AVEN: variants seen among roughly 807,000 people sequenced by gnomAD.
AVEN encodes the protein cell death regulator Aven.
In AVEN, 41 loss-of-function variants were observed where a neutral mutation model predicts 38.1. The observed-to-expected ratio is 1.08, with a 90% CI of 0.84 to 1.40. AVEN has a LOEUF of 1.40. Among genes scored for constraint, AVEN ranks in the 40% most tolerant of loss-of-function variants. The pLI is 0.00. For synonymous variants in AVEN, 206 were observed against 171.8 expected (o/e 1.20, Z -1.56); for missense variants, 605 against 438.8 (o/e 1.38, Z -3.38).
At chr15:33,921,115 G>C (rs747594055) in intron 2 of AVEN, among the ~76,000 whole-genome samples, 50 of 152,286 alleles carry the variant, frequency 3.3e-4, no homozygotes, top group Non-Finnish European at 5.1e-4. Context: ...GTGTGCCCTT[G>C]ATAACTGTTT....
At chr15:34,022,991 G>C (rs1317120511) in intron 1 of AVEN, among the ~76,000 whole-genome samples, 2 of 152,178 alleles carry the variant, frequency 1.3e-5, no homozygotes, top group Non-Finnish European at 2.9e-5. Flanking sequence ...TTCAAGACTA[G>C]CTTGGCCAAC....
intron 2 of AVEN, among the ~76,000 whole-genome samples, chr15:33,935,049 G>C (rs926114465): frequency 1.3e-5 from 2 of 152,118 alleles, no homozygotes; most frequent in Non-Finnish European, 2.9e-5. Flanking sequence ...GATCACTAAG[G>C]CTCTTTCCCG....
chr15:34,072,735 G>A (rs139940446), intron 1 of AVEN, among the ~76,000 whole-genome samples: 3,361 of 145,262 alleles, frequency 0.023, 57 homozygotes, highest in Middle Eastern at 0.12. Flanking sequence ...TGCAAGCTCC[G>A]CCTCCCGGGT....
At chr15:33,903,616 A>G (rs1295851063) in intron 2 of AVEN, among the ~76,000 whole-genome samples, 1 of 152,210 alleles carries the variant, frequency 6.6e-6, no homozygotes, top group Non-Finnish European at 1.5e-5. Flanking sequence ...ATGGGATCCT[A>G]GTAAGGAGAT....
At chr15:33,976,490 C>T (rs1174220807) in intron 2 of AVEN, among the ~76,000 whole-genome samples, 2 of 152,146 alleles carry the variant, frequency 1.3e-5, no homozygotes, top group African/African-American at 4.8e-5. Context: ...TTCTGCCATG[C>T]CCGCATCAGA....
At chr15:34,010,779 AAAT>A (rs1897603205) in intron 1 of AVEN, among the ~76,000 whole-genome samples, 1 of 152,234 alleles carries the variant, frequency 6.6e-6, no homozygotes, top group Non-Finnish European at 1.5e-5. Context: ...TATAACTGAA[AAAT>A]AATACTAATT....
intron 2 of AVEN, among the ~76,000 whole-genome samples, chr15:33,899,145 C>A (rs1892372524): frequency 6.6e-6 from 1 of 152,266 alleles, no homozygotes; most frequent in African/African-American, 2.4e-5. Context: ...CTTTTGGGGA[C>A]CACTGAGAGA....
intron 1 of AVEN, among the ~76,000 whole-genome samples, chr15:34,074,408 T>C (rs1362548014): frequency 6.6e-6 from 1 of 152,174 alleles, no homozygotes; most frequent in Admixed American, 6.5e-5. Context: ...TTCCACAAAC[T>C]GGGTGGTTTA....
intron 1 of AVEN, among the ~76,000 whole-genome samples, chr15:34,037,125 AT>A (rs57511978): frequency 0.043 from 6,330 of 146,734 alleles, 438 homozygotes; most frequent in African/African-American, 0.16. Flanking sequence ...AAAAAAAAAA[AT>A]ATATACCATC....
At chr15:33,869,596 T>C (rs1169789286) in intron 4 of AVEN, among the ~76,000 whole-genome samples, 1 of 152,134 alleles carries the variant, frequency 6.6e-6, no homozygotes, top group Non-Finnish European at 1.5e-5. Context: ...CAATCCCCCA[T>C]CAGAGGCAAA....
intron 4 of AVEN, chr15:34,065,868 A>G (rs1427627931): frequency 1.3e-5 from 2 of 152,236 alleles, no homozygotes; most frequent in African/African-American, 4.8e-5. Flanking sequence ...CTTAAAAATC[A>G]CCAGACTTCA....
chr15:34,036,064 G>A (rs1171699448), intron 1 of AVEN, among the ~76,000 whole-genome samples: 2 of 151,594 alleles, frequency 1.3e-5, no homozygotes, highest in Non-Finnish European at 2.9e-5. Context: ...CCAAAGTGCT[G>A]GGATTACAAG....
downstream of AVEN, chr15:33,864,255 G>A (rs926856703): frequency 1.3e-5 from 17 of 1,276,866 alleles, 1 homozygote; most frequent in Middle Eastern, 2.2e-4. Context: ...ACTTAGTAGG[G>A]CATAGGTTAT....
chr15:34,000,347 A>T (rs1054558395), intron 2 of AVEN, among the ~76,000 whole-genome samples: 10 of 152,224 alleles, frequency 6.6e-5, no homozygotes, highest in Non-Finnish European at 1.2e-4. Context: ...AATAGCTGGA[A>T]CAATGGGTAC....
intron 2 of AVEN, among the ~76,000 whole-genome samples, chr15:33,883,445 G>A (rs1257986510): frequency 6.6e-6 from 1 of 151,962 alleles, no homozygotes; most frequent in African/African-American, 2.4e-5. Context: ...ATGTGTTTTG[G>A]TGAACCACAA....
downstream of AVEN, chr15:33,865,585 T>C (rs1267843436): frequency 1.0e-5 from 2 of 195,596 alleles, no homozygotes; most frequent in Non-Finnish European, 2.1e-5. Flanking sequence ...TACCTGAAAA[T>C]TTAAACACTT....
At chr15:33,993,145 G>A (rs1427326594) in intron 2 of AVEN, among the ~76,000 whole-genome samples, 1 of 152,140 alleles carries the variant, frequency 6.6e-6, no homozygotes, top group African/African-American at 2.4e-5. Context: ...TCAATGATTT[G>A]ACTTTTGGGG....
chr15:33,892,980 T>C (rs910715499), intron 2 of AVEN, among the ~76,000 whole-genome samples: 2 of 152,170 alleles, frequency 1.3e-5, no homozygotes, highest in Non-Finnish European at 2.9e-5. Context: ...ATTCTCTTTG[T>C]AGCAATTGTG....
intron 2 of AVEN, among the ~76,000 whole-genome samples, chr15:34,002,091 T>C (rs1897158449): frequency 6.6e-6 from 1 of 152,216 alleles, no homozygotes; most frequent in Admixed American, 6.5e-5. Context: ...GATAACATTT[T>C]GCAAAACCAT....
Sources: allele counts gnomAD v4.1 joint callset (sites outside exome capture counted in the v4.1 genomes callset), GRCh38; gene constraint gnomAD v4.1.1; transcripts MANE v1.5; gene names NCBI Gene and HGNC (gene_info 2026-07-23, HGNC 2026-07-21).